Variants in CTNNA3 observed in about 807,000 individuals in gnomAD.
CTNNA3 encodes the protein catenin alpha 3.
A neutral mutation model predicts 95.7 loss-of-function variants in CTNNA3; 76 were observed. That is an observed-to-expected ratio of 0.79 (90% confidence interval 0.66 to 0.96). The LOEUF (loss-of-function observed/expected upper bound fraction) is 0.96, where lower values mean the gene tolerates loss of function less well. Among genes scored for constraint, CTNNA3 ranks in the 40% least tolerant of loss-of-function variants. The pLI, the probability that CTNNA3 is intolerant of heterozygous loss-of-function variation, is 0.00. For synonymous variants in CTNNA3, 431 were observed against 374.4 expected (o/e 1.15, Z -1.74); for missense variants, 1,191 against 1,089.8 (o/e 1.09, Z -1.31).
chr10:66,700,183 T>C (rs1464068573), intron 9 of CTNNA3, among the ~76,000 whole-genome samples: 1 of 152,308 alleles, frequency 6.6e-6, no homozygotes, highest in African/African-American at 2.4e-5. Context: ...CCTGTGCTTT[T>C]GGTGTGATGT....
intron 5 of CTNNA3, among the ~76,000 whole-genome samples, chr10:67,295,724 A>G (rs1285148462): frequency 6.6e-6 from 1 of 152,226 alleles, no homozygotes; most frequent in East Asian, 1.9e-4. Context: ...TCATTGCCTA[A>G]AAGTGTCAAT....
At chr10:66,011,167 T>A (rs1012536965) in intron 15 of CTNNA3, among the ~76,000 whole-genome samples, 49 of 152,314 alleles carry the variant, frequency 3.2e-4, no homozygotes, top group African/African-American at 1.1e-3. Context: ...GTGGTCACCA[T>A]AGATGCCACT....
intron 9 of CTNNA3, among the ~76,000 whole-genome samples, chr10:66,685,021 G>T (rs1218923841): frequency 6.6e-6 from 1 of 150,914 alleles, no homozygotes; most frequent in Non-Finnish European, 1.5e-5. Context: ...TTCAAATTTT[G>T]CAAGCTATTG....
intron 7 of CTNNA3, among the ~76,000 whole-genome samples, chr10:67,167,399 T>C (rs1861820409): frequency 6.6e-6 from 1 of 152,162 alleles, no homozygotes; most frequent in African/African-American, 2.4e-5. Context: ...AGAAATTGCA[T>C]TCTGAGGGGA....
chr10:66,480,616 T>A (rs1264052854), intron 11 of CTNNA3, among the ~76,000 whole-genome samples: 4 of 151,218 alleles, frequency 2.6e-5, no homozygotes, highest in East Asian at 3.9e-4. Context: ...TATTTATTTT[T>A]TTTTTTGAGA....
At chr10:66,162,616 C>CG (rs1305705707) in intron 13 of CTNNA3, among the ~76,000 whole-genome samples, 1 of 151,930 alleles carries the variant, frequency 6.6e-6, no homozygotes, top group Non-Finnish European at 1.5e-5. Flanking sequence ...GGTGCTGGGT[C>CG]GGGGGGTGCT....
intron 2 of CTNNA3, among the ~76,000 whole-genome samples, chr10:67,620,437 T>A (rs1843790523): frequency 6.6e-6 from 1 of 151,912 alleles, no homozygotes; most frequent in South Asian, 2.1e-4. Context: ...CAATCTCCTG[T>A]TTTAGAGCAT....
intron 17 of CTNNA3, among the ~76,000 whole-genome samples, chr10:65,927,171 T>A (rs184298263): frequency 6.6e-6 from 1 of 152,190 alleles, no homozygotes; most frequent in Non-Finnish European, 1.5e-5. Context: ...TTTTCACTGA[T>A]TTTTTAGTTA....
At chr10:67,550,964 G>C (rs1043753515) in intron 3 of CTNNA3, among the ~76,000 whole-genome samples, 3 of 152,144 alleles carry the variant, frequency 2.0e-5, no homozygotes, top group African/African-American at 7.2e-5. Context: ...ACAGGGAAAG[G>C]AGGCAGAGAA....
intron 7 of CTNNA3, among the ~76,000 whole-genome samples, chr10:66,843,511 C>A (rs1165549936): frequency 6.6e-6 from 1 of 152,118 alleles, no homozygotes; most frequent in African/African-American, 2.4e-5. Context: ...AAATGGATTT[C>A]TTTGATGGGA....
intron 7 of CTNNA3, among the ~76,000 whole-genome samples, chr10:67,079,218 C>T (rs541189260): frequency 5.9e-5 from 9 of 152,220 alleles, no homozygotes; most frequent in South Asian, 4.1e-4. Context: ...TATGAGCACA[C>T]GCTGTGCACA....
chr10:67,631,319 T>C (rs1432725196), intron 2 of CTNNA3, among the ~76,000 whole-genome samples: 1 of 151,886 alleles, frequency 6.6e-6, no homozygotes, highest in Non-Finnish European at 1.5e-5. Context: ...AAAAATACAT[T>C]AAAGATAAAT....
At chr10:66,267,693 T>G (rs1316349679) in intron 13 of CTNNA3, among the ~76,000 whole-genome samples, 1 of 152,170 alleles carries the variant, frequency 6.6e-6, no homozygotes, top group Non-Finnish European at 1.5e-5. Flanking sequence ...CAATATGATG[T>G]CTTCTTCATT....
At chr10:67,755,047 T>A (rs1002606061) in intron 1 of CTNNA3, among the ~76,000 whole-genome samples, 4 of 151,538 alleles carry the variant, frequency 2.6e-5, no homozygotes, top group Non-Finnish European at 5.9e-5. Context: ...AACAAAAAAA[T>A]TAAAAAATTA....
intron 7 of CTNNA3, among the ~76,000 whole-genome samples, chr10:66,778,376 G>A (rs1174596274): frequency 2.0e-5 from 3 of 152,068 alleles, no homozygotes; most frequent in Admixed American, 2.0e-4. Context: ...AATCATCAAT[G>A]AGCTCGGACT....
At chr10:67,624,212 G>A (rs952237600) in intron 2 of CTNNA3, among the ~76,000 whole-genome samples, 4 of 151,994 alleles carry the variant, frequency 2.6e-5, no homozygotes, top group Non-Finnish European at 5.9e-5. Flanking sequence ...GTCCAGACTC[G>A]CCAAAGAAAA....
At chr10:67,101,063 T>C (rs1164166111) in intron 7 of CTNNA3, among the ~76,000 whole-genome samples, 1 of 151,796 alleles carries the variant, frequency 6.6e-6, no homozygotes, top group African/African-American at 2.4e-5. Flanking sequence ...TGTTCTACTC[T>C]GGGCTCTCAC....
intron 5 of CTNNA3, among the ~76,000 whole-genome samples, chr10:67,420,644 TTTTA>T (rs1845714109): frequency 6.6e-6 from 1 of 152,172 alleles, no homozygotes; most frequent in African/African-American, 2.4e-5. Flanking sequence ...ATTATATTTA[TTTTA>T]TTTATTTTCT....
chr10:67,436,272 A>T (rs7915595), intron 5 of CTNNA3, among the ~76,000 whole-genome samples: 129,311 of 152,098 alleles, frequency 0.85, 56,272 homozygotes, highest in Non-Finnish European at 0.95. Flanking sequence ...GCTAGACACA[A>T]GTAGGATAAT....
Sources: gnomAD v4.1 joint callset for allele counts (sites outside exome capture counted in the v4.1 genomes callset) on GRCh38, gnomAD v4.1.1 for gene constraint, MANE v1.5 for transcripts, NCBI Gene and HGNC (gene_info 2026-07-23, HGNC 2026-07-21) for gene names.